Variants in STARD13 observed in about 807,000 individuals in gnomAD.
STARD13 encodes the protein StAR related lipid transfer domain containing 13, also known as stAR-related lipid transfer protein 13.
STARD13 carries 62 observed loss-of-function variants against 106.4 expected under a neutral mutation model. The observed-to-expected ratio is 0.58, with a 90% CI of 0.48 to 0.72. The LOEUF is 0.72. Ranked by LOEUF, STARD13 falls within the 30% of genes least tolerant of loss-of-function variation. The pLI, the probability that STARD13 is intolerant of heterozygous loss-of-function variation, is 0.00. For synonymous variants in STARD13, 565 were observed against 553.0 expected (o/e 1.02, Z -0.31); for missense variants, 1,387 against 1,424.0 (o/e 0.97, Z 0.42).
the STARD13 span, chr13:33,659,984 CA>C: frequency 6.6e-6 from 1 of 152,172 alleles, no homozygotes; most frequent in Non-Finnish European, 1.5e-5. Context: ...TCTTTGATAA[CA>C]ATCTTCATTA....
the STARD13 span, among the ~76,000 whole-genome samples, chr13:33,420,397 G>A: frequency 4.2e-3 from 647 of 152,272 alleles, 6 homozygotes; most frequent in African/African-American, 0.015. Context: ...TCAACAAGAA[G>A]AGCTAACTAT....
At chr13:33,277,328 T>C (rs535871060) in intron 1 of STARD13, 2 of 152,292 alleles carry the variant, frequency 1.3e-5, no homozygotes, top group East Asian at 1.9e-4. Flanking sequence ...AAGAATATAT[T>C]TGTAGACTTC....
At chr13:33,213,540 ACTCTGG>A (rs1887845430) in intron 1 of STARD13, among the ~76,000 whole-genome samples, 1 of 152,178 alleles carries the variant, frequency 6.6e-6, no homozygotes, top group African/African-American at 2.4e-5. Flanking sequence ...AATGGAACCT[ACTCTGG>A]CTCTCTCGAG....
At chr13:33,630,795 T>C in the STARD13 span, among the ~76,000 whole-genome samples, 1 of 152,082 alleles carries the variant, frequency 6.6e-6, no homozygotes, top group Non-Finnish European at 1.5e-5. Context: ...AGTCCCACCA[T>C]CCTAATCCTC....
At chr13:33,603,736 A>G in the STARD13 span, among the ~76,000 whole-genome samples, 2 of 152,008 alleles carry the variant, frequency 1.3e-5, no homozygotes, top group African/African-American at 4.8e-5. Context: ...TGAAAAAAAA[A>G]TTTTAAAAAT....
chr13:33,398,073 A>G, the STARD13 span, among the ~76,000 whole-genome samples: 2 of 152,254 alleles, frequency 1.3e-5, no homozygotes, highest in African/African-American at 4.8e-5. Flanking sequence ...TGTATGGTCA[A>G]CTGGGCAATA....
rs755070348 is a variant in STARD13 at position 33,130,258 on chromosome 13, A to G, written c.419T>C (p.Ile140Thr). 1.2e-6 allele frequency: 2 copies of G among 1,604,616 alleles called. No individual in the cohort carries two copies. Residue 140 changes from isoleucine to threonine, a missense_variant, in exon 5 of 14, where the codon ATC becomes ACC. Physicochemically the swap from Ile to Thr is moderately conservative, Grantham distance 89. Coordinates refer to ENST00000336934, the MANE Select transcript of STARD13 (RefSeq NM_178006.4). This position sits in a 1 kb window ranked among gnomAD's most constrained non-coding sequence, Gnocchi z 4.1. ...TCTTTGGAAAGTCCATTTGTTGCTG[A>G]TACAAAGATCTTCCTCATCGGAGTC... Reference protein sequence around the residue: ...GDDSDEEDLCISNKWTFQRTS... With the variant: ...GDDSDEEDLCTSNKWTFQRTS...
upstream of STARD13, among the ~76,000 whole-genome samples, chr13:33,353,074 C>T (rs371588211): frequency 3.3e-5 from 5 of 152,280 alleles, no homozygotes; most frequent in Middle Eastern, 3.4e-3. Context: ...CTTCTTGTCC[C>T]TACAGGTACT....
chr13:33,199,704 G>C (rs1886878909), intron 1 of STARD13, among the ~76,000 whole-genome samples: 2 of 152,170 alleles, frequency 1.3e-5, no homozygotes, highest in South Asian at 4.1e-4. Flanking sequence ...GTTTCATTCA[G>C]GTACTTGCAA....
chr13:33,552,134 T>C, the STARD13 span, among the ~76,000 whole-genome samples: 5 of 152,040 alleles, frequency 3.3e-5, no homozygotes, highest in African/African-American at 1.2e-4. Flanking sequence ...TTTCCCCAAG[T>C]ACATGGAGCA....
chr13:33,608,191 G>A, the STARD13 span, among the ~76,000 whole-genome samples: 1 of 152,208 alleles, frequency 6.6e-6, no homozygotes, highest in Non-Finnish European at 1.5e-5. Context: ...ACAGGTGCAA[G>A]CCACTGTGCC....
chr13:33,558,381 G>C, the STARD13 span, among the ~76,000 whole-genome samples: 1 of 151,994 alleles, frequency 6.6e-6, no homozygotes, highest in African/African-American at 2.4e-5. Flanking sequence ...GACAATAAAT[G>C]CTTGTTAAAT....
At chr13:33,414,648 T>A in the STARD13 span, among the ~76,000 whole-genome samples, 1 of 120,884 alleles carries the variant, frequency 8.3e-6, no homozygotes, top group Admixed American at 9.7e-5. Flanking sequence ...CAGGTGGGGG[T>A]GGGAGGGAAG....
At chr13:33,364,724 C>T in the STARD13 span, among the ~76,000 whole-genome samples, 2 of 152,140 alleles carry the variant, frequency 1.3e-5, no homozygotes, top group African/African-American at 4.8e-5. Context: ...CCCGTCTGTA[C>T]TAAAAATACA....
chr13:33,439,327 C>T, the STARD13 span, among the ~76,000 whole-genome samples: 1 of 152,328 alleles, frequency 6.6e-6, no homozygotes, highest in Middle Eastern at 3.4e-3. Context: ...TTTCAAGAGG[C>T]CTTACCTTCG....
At chr13:33,358,289 C>G in the STARD13 span, among the ~76,000 whole-genome samples, 2 of 152,172 alleles carry the variant, frequency 1.3e-5, no homozygotes, top group African/African-American at 4.8e-5. Flanking sequence ...CTGTGCAGCC[C>G]GAGCCTCCCC....
At chr13:33,408,974 C>A in the STARD13 span, among the ~76,000 whole-genome samples, 1 of 151,892 alleles carries the variant, frequency 6.6e-6, no homozygotes, top group Admixed American at 6.6e-5. Context: ...CCAAGAGCAA[C>A]CAGCCCTCTC....
At chr13:33,441,821 C>A in the STARD13 span, among the ~76,000 whole-genome samples, 2 of 152,270 alleles carry the variant, frequency 1.3e-5, no homozygotes, top group Admixed American at 6.5e-5. Context: ...CGGGAAAAAG[C>A]AAATCCACAA....
At chr13:33,606,219 T>C in the STARD13 span, among the ~76,000 whole-genome samples, 2 of 152,138 alleles carry the variant, frequency 1.3e-5, no homozygotes, top group East Asian at 1.9e-4. Context: ...GAGAACTGCT[T>C]GGACTCCGGA....
Sources: allele counts gnomAD v4.1 joint callset (sites outside exome capture counted in the v4.1 genomes callset), GRCh38; gene constraint gnomAD v4.1.1; non-coding constraint Gnocchi (gnomAD v3.1); transcripts MANE v1.5; gene names NCBI Gene and HGNC (gene_info 2026-07-23, HGNC 2026-07-21).